Variants in GPR158 observed in about 807,000 individuals in gnomAD.
GPR158 encodes the protein G protein-coupled receptor 158, also known as metabotropic glycine receptor.
A neutral mutation model predicts 78.2 loss-of-function variants in GPR158; 30 were observed. The observed-to-expected ratio is 0.38, with a 90% CI of 0.29 to 0.52. GPR158 has a LOEUF of 0.52. Ranked by LOEUF, GPR158 falls within the 20% of genes least tolerant of loss-of-function variation. The pLI is 0.83. For synonymous variants in GPR158, 581 were observed against 591.1 expected, an observed-to-expected ratio of 0.98 and a Z score of 0.25; for missense variants, 1,463 against 1,523.5, an observed-to-expected ratio of 0.96 and a Z score of 0.66.
At chr10:25,573,576 AATTTTTCTGTTG>A (rs1837043862) in intron 7 of GPR158, among the ~76,000 whole-genome samples, 2 of 152,204 alleles carry the variant, frequency 1.3e-5, no homozygotes, top group Non-Finnish European at 2.9e-5. Flanking sequence ...AACACATAGG[AATTTTTCTGTTG>A]CTCATATTAG....
At chr10:25,219,386 G>C (rs530242944) in intron 1 of GPR158, among the ~76,000 whole-genome samples, 36 of 152,282 alleles carry the variant, frequency 2.4e-4, no homozygotes, top group African/African-American at 6.3e-4. Flanking sequence ...CTGGATTAAG[G>C]CATTAGGTTA....
intron 4 of GPR158, among the ~76,000 whole-genome samples, chr10:25,415,080 A>G (rs941727202): frequency 6.6e-6 from 1 of 152,138 alleles, no homozygotes; most frequent in Non-Finnish European, 1.5e-5. Flanking sequence ...AACTTTTATT[A>G]GGAGAAAACA....
At chr10:25,509,441 C>T (rs1255916085) in intron 5 of GPR158, among the ~76,000 whole-genome samples, 1 of 152,146 alleles carries the variant, frequency 6.6e-6, no homozygotes. Context: ...GCAGAAATGG[C>T]TTCTCTCTGC....
Position 25,466,737 on chromosome 10 carries a change from GT to G in GPR158, c.1404+23del. 1 of 1,458,670 alleles carries G rather than the reference GT, an allele frequency of 6.9e-7. No individual in the cohort carries two copies. The highest frequency in any genetic ancestry group is 9.5e-7 in the Non-Finnish European group (1 of 1,052,746). 90.4% of individuals were successfully genotyped at this position (1,458,670 alleles called of 1,614,324 possible). On this transcript the variant is annotated intron_variant, in intron 5 of 10. Coordinates refer to ENST00000376351, the MANE Select transcript of GPR158 (RefSeq NM_020752.3). The stretch of plus-strand genomic sequence containing the variant: ...ACTTTCCAGTAAGTAACAGAATTTT[GT>G]TTTTAAAGTAGAAATTTATTTTATG...
intron 2 of GPR158, among the ~76,000 whole-genome samples, chr10:25,379,752 G>A (rs2130563256): frequency 7.0e-6 from 1 of 142,296 alleles, no homozygotes; most frequent in South Asian, 2.3e-4. Flanking sequence ...TCATGCCTGT[G>A]AGAGTGCCAA....
intron 8 of GPR158, among the ~76,000 whole-genome samples, chr10:25,592,408 C>A (rs1221626639): frequency 2.0e-5 from 3 of 151,932 alleles, no homozygotes; most frequent in African/African-American, 4.8e-5. Context: ...AAGCACAAGA[C>A]TTTTAAGTGT....
At chr10:25,377,290 C>T (rs1834093911) in intron 2 of GPR158, among the ~76,000 whole-genome samples, 1 of 151,838 alleles carries the variant, frequency 6.6e-6, no homozygotes, top group African/African-American at 2.4e-5. Context: ...TGCATGCCAT[C>T]ATGTATGTTT....
At chr10:25,392,878 G>A (rs956875864) in intron 2 of GPR158, among the ~76,000 whole-genome samples, 2 of 152,112 alleles carry the variant, frequency 1.3e-5, no homozygotes, top group African/African-American at 4.8e-5. Flanking sequence ...CATGAAAACA[G>A]TAGCACATTT....
chr10:25,304,742 CT>C (rs1292818425), intron 2 of GPR158, among the ~76,000 whole-genome samples: 2 of 152,090 alleles, frequency 1.3e-5, no homozygotes, highest in Non-Finnish European at 1.5e-5. Flanking sequence ...GGCTAGTAGG[CT>C]AATAAGTATC....
chr10:25,477,698 G>A (rs1397411609), intron 5 of GPR158, among the ~76,000 whole-genome samples: 1 of 152,116 alleles, frequency 6.6e-6, no homozygotes, highest in African/African-American at 2.4e-5. Context: ...TGGAAATAAA[G>A]TTAAATACTT....
intron 2 of GPR158, among the ~76,000 whole-genome samples, chr10:25,243,191 T>A (rs1853648405): frequency 6.6e-6 from 1 of 152,224 alleles, no homozygotes; most frequent in Non-Finnish European, 1.5e-5. Flanking sequence ...TATCAATCCC[T>A]TTTGCCAGCT....
chr10:25,430,491 G>C (rs561071706), intron 4 of GPR158, among the ~76,000 whole-genome samples: 1,774 of 144,966 alleles, frequency 0.012, 21 homozygotes, highest in African/African-American at 0.028. Flanking sequence ...TGACTTTCTT[G>C]AGAGAATTGG....
At chr10:25,482,155 G>T (rs67616835) in intron 5 of GPR158, among the ~76,000 whole-genome samples, 21,972 of 151,968 alleles carry the variant, frequency 0.14, 1,754 homozygotes, top group East Asian at 0.19. Context: ...AAATTCCCTA[G>T]TTCTGCTTTG....
chr10:25,188,582 A>G (rs536069027), intron 1 of GPR158, among the ~76,000 whole-genome samples: 196 of 152,288 alleles, frequency 1.3e-3, no homozygotes, highest in African/African-American at 4.1e-3. Context: ...CTAGCCATAC[A>G]TAGAAAGCTG....
intron 1 of GPR158, among the ~76,000 whole-genome samples, chr10:25,213,855 T>C (rs1853168628): frequency 6.6e-6 from 1 of 152,184 alleles, no homozygotes; most frequent in South Asian, 2.1e-4. Flanking sequence ...TCTCTTTTAG[T>C]TTTTCAAAGT....
chr10:25,346,206 T>C (rs924370414), intron 2 of GPR158, among the ~76,000 whole-genome samples: 2 of 149,728 alleles, frequency 1.3e-5, no homozygotes, highest in African/African-American at 4.9e-5. Flanking sequence ...ACTGAAGTTC[T>C]CATGTTTCTG....
chr10:25,352,985 C>A (rs1031398727), intron 2 of GPR158, among the ~76,000 whole-genome samples: 3 of 151,932 alleles, frequency 2.0e-5, no homozygotes, highest in African/African-American at 7.3e-5. Context: ...AAAAGACAAT[C>A]TGAAGTAGTT....
chr10:25,291,731 A>G (rs1245073796), intron 2 of GPR158, among the ~76,000 whole-genome samples: 1 of 152,086 alleles, frequency 6.6e-6, no homozygotes, highest in Non-Finnish European at 1.5e-5. Flanking sequence ...TTAATCATAA[A>G]TGAACTCTTC....
At chr10:25,263,286 C>A (rs902951822) in intron 2 of GPR158, among the ~76,000 whole-genome samples, 3 of 152,100 alleles carry the variant, frequency 2.0e-5, no homozygotes, top group Admixed American at 2.0e-4. Flanking sequence ...TTTTGAAAAG[C>A]CTGCTTTTCT....
Sources: allele counts gnomAD v4.1 joint callset (sites outside exome capture counted in the v4.1 genomes callset), GRCh38; gene constraint gnomAD v4.1.1; transcripts MANE v1.5; gene names NCBI Gene and HGNC (gene_info 2026-07-23, HGNC 2026-07-21).